ZNF469: variants seen among roughly 807,000 people sequenced by gnomAD.
ZNF469 encodes the protein zinc finger protein 469.
A neutral mutation model predicts 1.0 loss-of-function variants in ZNF469; 1 was observed. That is an observed-to-expected ratio of 1.00 (90% CI 0.35 to 4.73). The LOEUF (loss-of-function observed/expected upper bound fraction) is 4.73. Ranked by LOEUF, ZNF469 falls within the 30% of genes most tolerant of loss-of-function variation. The pLI, the probability that ZNF469 is intolerant of heterozygous loss-of-function variation, is 0.16. For synonymous variants in ZNF469, 2,703 were observed against 2,363.4 expected, an observed-to-expected ratio of 1.14 and a Z score of -4.17; for missense variants, 6,100 against 5,356.3, an observed-to-expected ratio of 1.14 and a Z score of -4.33.
the ZNF469 span, among the ~76,000 whole-genome samples, chr16:88,110,833 G>A: frequency 6.6e-6 from 1 of 152,254 alleles, no homozygotes; most frequent in East Asian, 1.9e-4. Context: ...AGGGCAGCAG[G>A]TGCAGCTCAG....
the ZNF469 span, among the ~76,000 whole-genome samples, chr16:88,195,453 G>A: frequency 6.6e-6 from 1 of 152,226 alleles, no homozygotes; most frequent in African/African-American, 2.4e-5. Context: ...GTGGGTGAGG[G>A]AGGATTTTCT....
chr16:88,387,806 C>CA (rs1164725295), intron 1 of ZNF469, among the ~76,000 whole-genome samples: 2 of 152,190 alleles, frequency 1.3e-5, no homozygotes, highest in African/African-American at 4.8e-5. Flanking sequence ...GTCCCCCTAA[C>CA]ACCCAGCTCT....
chr16:88,208,634 A>G, the ZNF469 span, among the ~76,000 whole-genome samples: 1 of 93,726 alleles, frequency 1.1e-5, no homozygotes, highest in Non-Finnish European at 2.2e-5. Context: ...AGTGGGAGGG[A>G]GAGAAGAAGG....
chr16:88,135,748 G>GTTTTATTCTTTTTTTTTTTT, the ZNF469 span, among the ~76,000 whole-genome samples: 6 of 66,930 alleles, frequency 9.0e-5, 3 homozygotes, highest in Admixed American at 7.4e-4. Context: ...AGCTGGCCAT[G>GTTTTATTCTTTTTTTTTTTT]TTTTTTTTTT....
the ZNF469 span, among the ~76,000 whole-genome samples, chr16:88,146,724 C>G: frequency 6.6e-6 from 1 of 152,034 alleles, no homozygotes; most frequent in East Asian, 1.9e-4. Flanking sequence ...AGGGTGGTTT[C>G]CAGCCCATGA....
At chr16:88,394,471 G>A (rs961673689) in intron 1 of ZNF469, among the ~76,000 whole-genome samples, 5 of 152,228 alleles carry the variant, frequency 3.3e-5, no homozygotes, top group South Asian at 2.1e-4. Context: ...AAAATTATCC[G>A]TGAAGCATTT....
chr16:88,378,018 G>C (rs2092513618), upstream of ZNF469, among the ~76,000 whole-genome samples: 1 of 152,130 alleles, frequency 6.6e-6, no homozygotes. Flanking sequence ...CAAGTCCAAA[G>C]AGCCACCCAC....
chr16:88,197,396 T>C, the ZNF469 span, among the ~76,000 whole-genome samples: 3 of 152,212 alleles, frequency 2.0e-5, no homozygotes, highest in African/African-American at 7.2e-5. Context: ...ATTCTTAATA[T>C]TTCTATTCTC....
At chr16:88,240,434 T>A in the ZNF469 span, among the ~76,000 whole-genome samples, 1 of 152,100 alleles carries the variant, frequency 6.6e-6, no homozygotes, top group Non-Finnish European at 1.5e-5. Flanking sequence ...CAGGGCTGCG[T>A]GGGGAGGCTG....
the ZNF469 span, among the ~76,000 whole-genome samples, chr16:88,325,203 C>CCTGACA: frequency 2.7e-5 from 3 of 111,352 alleles, no homozygotes; most frequent in African/African-American, 8.7e-5. Context: ...TCCAGGTGGT[C>CCTGACA]GCGACAGCAG....
chr16:88,248,828 C>T, the ZNF469 span, among the ~76,000 whole-genome samples: 4 of 152,260 alleles, frequency 2.6e-5, no homozygotes, highest in East Asian at 1.9e-4. Flanking sequence ...AGCCAGCTGT[C>T]GGGCTGAGGC....
chr16:88,149,164 TACC>T, the ZNF469 span, among the ~76,000 whole-genome samples: 1 of 152,190 alleles, frequency 6.6e-6, no homozygotes, highest in Non-Finnish European at 1.5e-5. Context: ...GGTCTCCTGG[TACC>T]ACATCAGCTG....
rs1441110004 is a variant in ZNF469 at position 88,428,640 on chromosome 16, G to T, written c.1170G>T (p.Gly390=). Residue 390 remains glycine (G), a synonymous_variant, in exon 3 of 3, where the codon GGG becomes GGT. Transcript: ENST00000565624. ...AAAGACCACCTTCAGCCCAGGATGG[G>T]CTGGGGAGCACGAGAGGGCCCCCTA... ...LPERPPSAQD[G]LGSTRGPPSS... 3 of 1,550,050 alleles carry T rather than the reference G, an allele frequency of 1.9e-6. No homozygotes were observed. Among genetic ancestry groups the T allele is most frequent in the East Asian group, 2.4e-5 (1 of 40,914 alleles).
the ZNF469 span, among the ~76,000 whole-genome samples, chr16:88,251,922 C>T: frequency 6.6e-6 from 1 of 151,372 alleles, no homozygotes; most frequent in Non-Finnish European, 1.5e-5. Context: ...ATTTTCCCTG[C>T]ACCTGTGCAA....
At chr16:88,375,514 C>T in the ZNF469 span, among the ~76,000 whole-genome samples, 1 of 152,274 alleles carries the variant, frequency 6.6e-6, no homozygotes, top group Admixed American at 6.5e-5. Context: ...CGGCTGGCTA[C>T]TGGTACCATT....
chr16:88,186,387 CAG>C, the ZNF469 span, among the ~76,000 whole-genome samples: 5 of 152,230 alleles, frequency 3.3e-5, no homozygotes, highest in Admixed American at 2.6e-4. Context: ...CCTCTGGAAA[CAG>C]AGCTGCTCCT....
At chr16:88,351,225 GC>G in the ZNF469 span, among the ~76,000 whole-genome samples, 1 of 152,198 alleles carries the variant, frequency 6.6e-6, no homozygotes, top group African/African-American at 2.4e-5. Context: ...CTGGACGGCT[GC>G]CCCCTCCCAC....
At chr16:88,149,781 C>A in the ZNF469 span, among the ~76,000 whole-genome samples, 1 of 152,182 alleles carries the variant, frequency 6.6e-6, no homozygotes, top group Non-Finnish European at 1.5e-5. Flanking sequence ...CTCTCTTTCC[C>A]TCTTTCAGTC....
intron 1 of ZNF469, among the ~76,000 whole-genome samples, chr16:88,390,148 C>T (rs1046297418): frequency 6.6e-6 from 1 of 152,216 alleles, no homozygotes; most frequent in African/African-American, 2.4e-5. Context: ...CCGGGAAACC[C>T]AGGACATCCC....
Sources: gnomAD v4.1 joint callset for allele counts (sites outside exome capture counted in the v4.1 genomes callset) on GRCh38, gnomAD v4.1.1 for gene constraint, MANE v1.5 for transcripts, NCBI Gene and HGNC (gene_info 2026-07-23, HGNC 2026-07-21) for gene names.